The following MOB2 variants were observed in gnomAD, a reference collection of about 807,000 sequenced individuals.
MOB2 encodes the protein MOB2 Mps One Binder homolog.
MOB2 carries 14 observed loss-of-function variants against 27.4 expected under a neutral mutation model. The observed-to-expected ratio is 0.51, with a 90% CI of 0.34 to 0.80. The LOEUF (loss-of-function observed/expected upper bound fraction) is 0.80. MOB2 is among the 30% of genes least tolerant of loss of function. The pLI is 0.01. For missense variants in MOB2, 304 were observed against 354.6 expected (o/e 0.86, Z 1.15); for synonymous variants, 167 against 151.8 (o/e 1.10, Z -0.74).
At chr11:1,472,802 C>T in intron 3 of MOB2, 1 of 157,742 alleles carries the variant, frequency 6.3e-6, no homozygotes, top group Non-Finnish European at 1.4e-5. Context: ...ATCCTCCCAG[C>T]TGGGCACAGG....
intron 3 of MOB2, among the ~76,000 whole-genome samples, chr11:1,476,631 CT>C (rs1310506510): frequency 3.3e-5 from 5 of 152,168 alleles, no homozygotes; most frequent in Admixed American, 2.0e-4. Flanking sequence ...TTCTTATTTA[CT>C]TTCTTGTCCT....
At chr11:1,485,938 C>T (rs1847965228) in intron 1 of MOB2, among the ~76,000 whole-genome samples, 1 of 152,276 alleles carries the variant, frequency 6.6e-6, no homozygotes. Context: ...CCGGGAACCC[C>T]ATGCCACTTC....
In MOB2 at chr11:1,470,232, GC is replaced by G. The variant is rs771478509; in HGVS notation, c.746del (p.Gly249AlafsTer17). The G allele has an allele frequency of 6.2e-7, 1 of 1,612,290 alleles. No individual in the cohort carries two copies. Among genetic ancestry groups the G allele is most frequent in the African/African-American group, 1.3e-5 (1 of 74,920 alleles). On this transcript the variant is annotated frameshift_variant, in exon 5 of 5. Coordinates refer to ENST00000329957, the MANE Select transcript of MOB2 (RefSeq NM_001172223.3). LOFTEE classifies it high-confidence loss of function. ...CCCCGCTGCCGGCCCCATCCCCACT[GC>G]CCCCACTGTGGACCCCGCCGGCCCC... ...CSGAGGVHSG[G>X]SGDGAGSGGP...
rs1847754087 is a variant in MOB2 at position 1,469,707 on chromosome 11, G to A, written c.*465C>T. 1.3e-5 allele frequency: 6 copies of A among 458,896 alleles called. No homozygotes were observed. The highest frequency in any genetic ancestry group is 9.3e-5 in the South Asian group (6 of 64,600). 28.4% of individuals were successfully genotyped at this position (458,896 alleles called of 1,614,324 possible). A position where few individuals can be genotyped will look rare whatever the true frequency, so the allele number is the denominator to read the frequency against. On this transcript the variant is annotated 3_prime_UTR_variant, in exon 5 of 5. Transcript: ENST00000329957. ...GAGCTGCCAACAGCCAAGACTCCTGGCGAGGCCGGGAGAGGAGGGGTGAGA... is the reference window on the plus strand; with the variant it reads ...GAGCTGCCAACAGCCAAGACTCCTGACGAGGCCGGGAGAGGAGGGGTGAGA...
At chr11:1,471,451 G>A (rs376961903) in intron 3 of MOB2, 32 bp from the exon 4 acceptor site, 36 of 1,586,920 alleles carry the variant, frequency 2.3e-5, no homozygotes, top group African/African-American at 4.0e-5. Context: ...CAGGGCATGC[G>A]CCCGCTGCAC....
At chr11:1,470,625 C>T in intron 4 of MOB2, 137 bp from the exon 5 acceptor site, 1 of 1,007,142 alleles carries the variant, frequency 9.9e-7, no homozygotes, top group Non-Finnish European at 1.4e-6. Flanking sequence ...CTACAAAGCC[C>T]CAGCAGCAAC....
At chr11:1,479,981 C>T (rs10835257) in intron 3 of MOB2, among the ~76,000 whole-genome samples, 30,385 of 152,164 alleles carry the variant, frequency 0.2, 3,759 homozygotes, top group East Asian at 0.6. Context: ...TGGATGGTCA[C>T]GGAGAAGGTA....
At chr11:1,482,970 C>T (rs1317295853) in intron 1 of MOB2, among the ~76,000 whole-genome samples, 1 of 152,224 alleles carries the variant, frequency 6.6e-6, no homozygotes, top group African/African-American at 2.4e-5. Context: ...TCTGAGGCAG[C>T]CCATTGCTCG....
intron 3 of MOB2, among the ~76,000 whole-genome samples, chr11:1,479,884 G>A (rs952324908): frequency 1.3e-5 from 2 of 152,226 alleles, no homozygotes; most frequent in East Asian, 1.9e-4. Context: ...ACGCAAGTGA[G>A]GTGCTCAGGG....
In MOB2 at chr11:1,480,795, G is replaced by A. The variant is rs531901364; in HGVS notation, c.201C>T (p.Thr67=). The change falls in exon 2 of 5, where the codon ACC becomes ACT. Residue 67 remains threonine (T), a synonymous_variant. Transcript: ENST00000329957. The part of the protein sequence containing the change: ...LEPEHTKARI[T]DFQFKELVVL... The stretch of plus-strand genomic sequence containing the variant: ...CCACCAGCTCCTTGAACTGGAAGTC[G>A]GTGATCCTGGCCTTGGTGTGCTCAG... 1.8e-5 allele frequency: 28 copies of A among 1,598,026 alleles called. No individual in the cohort carries two copies. In the Admixed American group the frequency reaches 3.6e-4, roughly 21 times the overall value.
At chr11:1,485,106 C>T (rs1280611535) in intron 1 of MOB2, among the ~76,000 whole-genome samples, 1 of 152,234 alleles carries the variant, frequency 6.6e-6, no homozygotes, top group Admixed American at 6.5e-5. Flanking sequence ...CACTGCGCCT[C>T]GGCCCCTCCA....
At chr11:1,479,570 C>A (rs1167305991) in intron 3 of MOB2, among the ~76,000 whole-genome samples, 1 of 152,248 alleles carries the variant, frequency 6.6e-6, no homozygotes, top group African/African-American at 2.4e-5. Context: ...CTGCCAGCTG[C>A]CTGTGCAGAA....
At chr11:1,470,918 G>A (rs1847781202) in intron 4 of MOB2, among the ~76,000 whole-genome samples, 1 of 152,250 alleles carries the variant, frequency 6.6e-6, no homozygotes, top group Admixed American at 6.5e-5. Context: ...CTGGCAGCAC[G>A]GGAGTGGCGT....
intron 3 of MOB2, among the ~76,000 whole-genome samples, chr11:1,474,077 G>C (rs1043409725): frequency 2.6e-5 from 4 of 152,232 alleles, no homozygotes; most frequent in African/African-American, 9.6e-5. Context: ...AGAGTCCCAG[G>C]TGGCCACATC....
intron 3 of MOB2, chr11:1,472,633 G>C (rs1847806772): frequency 6.6e-6 from 1 of 152,386 alleles, no homozygotes; most frequent in Non-Finnish European, 1.5e-5. Context: ...TGCTGAAAAG[G>C]ATGGACCCAG....
chr11:1,481,120 T>C (rs1376756485), intron 1 of MOB2: 2 of 652,572 alleles, frequency 3.1e-6, no homozygotes, highest in Admixed American at 2.2e-5. Context: ...GGGCTGGCGC[T>C]CCCACTTGCC....
chr11:1,476,721 A>G (rs899029708), intron 3 of MOB2, among the ~76,000 whole-genome samples: 18 of 152,202 alleles, frequency 1.2e-4, no homozygotes, highest in African/African-American at 4.3e-4. Flanking sequence ...TTTTCTAAGA[A>G]AGCATTAATC....
chr11:1,486,240 A>T (rs562418804), intron 1 of MOB2, among the ~76,000 whole-genome samples: 1 of 152,376 alleles, frequency 6.6e-6, no homozygotes, highest in East Asian at 1.9e-4. Flanking sequence ...CAAACCCGCC[A>T]GGCTGGCCCG....
chr11:1,479,737 G>A (rs112061298), intron 3 of MOB2, among the ~76,000 whole-genome samples: 1,541 of 152,300 alleles, frequency 0.01, 22 homozygotes, highest in African/African-American at 0.035. Context: ...TGACAACAAC[G>A]GGACATCAGG....
Sources: allele counts gnomAD v4.1 joint callset (sites outside exome capture counted in the v4.1 genomes callset), GRCh38; gene constraint gnomAD v4.1.1; transcripts MANE v1.5; gene names NCBI Gene and HGNC (gene_info 2026-07-23, HGNC 2026-07-21).